The following HLCS variants were observed in gnomAD, a reference collection of about 807,000 sequenced individuals.
The protein encoded by HLCS is biotin--protein ligase.
Under a neutral mutation model 75.0 loss-of-function variants are expected in HLCS, and 53 were observed. That is an observed-to-expected ratio of 0.71 (90% confidence interval 0.57 to 0.89). The LOEUF (loss-of-function observed/expected upper bound fraction) is 0.89, where lower values mean the gene tolerates loss of function less well. Ranked by LOEUF, HLCS falls within the 40% of genes least tolerant of loss-of-function variation. The pLI, the probability that HLCS is intolerant of heterozygous loss-of-function variation, is 0.00. For synonymous variants in HLCS, 431 were observed against 428.6 expected (o/e 1.01, Z -0.07); for missense variants, 966 against 1,074.0 (o/e 0.90, Z 1.41).
chr21:36,811,397 A>G (rs150044027), intron 6 of HLCS, among the ~76,000 whole-genome samples: 1 of 152,324 alleles, frequency 6.6e-6, no homozygotes, highest in East Asian at 1.9e-4. Flanking sequence ...TTCAAAAACT[A>G]TAACCTACTG....
At chr21:36,957,983 T>C (rs1376319301) in intron 2 of HLCS, among the ~76,000 whole-genome samples, 2 of 149,722 alleles carry the variant, frequency 1.3e-5, no homozygotes, top group African/African-American at 4.9e-5. Context: ...ATCCCAGCAC[T>C]TTGGGAGGCC....
rs1362492957 is a variant in HLCS at position 36,983,526 on chromosome 21, A to G, written c.-393+6632T>C. The stretch of plus-strand genomic sequence containing the variant: ...GCGCCCAGCCTGTGAAGGCTTTAAT[A>G]GCAACAATCCTTATAAAAATGATTT... On this transcript the variant is annotated intron_variant, in intron 1 of 11. Coordinates refer to the HLCS transcript ENST00000336648. 2.6e-5 allele frequency among the ~76,000 whole-genome samples: 4 copies of G among 151,986 alleles called. No homozygotes were observed. The East Asian group carries it at 7.8e-4, about 30-fold the overall frequency.
intron 6 of HLCS, among the ~76,000 whole-genome samples, chr21:36,788,821 TTTAA>T (rs1488497899): frequency 1.3e-5 from 2 of 152,210 alleles, no homozygotes; most frequent in African/African-American, 4.8e-5. Flanking sequence ...GCCAGAGCTC[TTTAA>T]TTGCTAGTAG....
In HLCS at chr21:36,754,284, C is replaced by A; in HGVS notation, c.2584G>T (p.Asp862Tyr). The change falls in exon 11 of 11, where the codon GAC (aspartate) becomes TAC (tyrosine). Residue 862 changes from aspartate to tyrosine, a missense_variant. Physicochemically the swap from Asp to Tyr is radical, Grantham distance 160. Coordinates refer to ENST00000674895, the MANE Select transcript of HLCS (RefSeq NM_001352514.2). ...VTVHPDGNSF[D>Y]MLRNLILPKR... is the part of the protein sequence containing the mutation. Reference sequence around the variant, plus strand: ...GGGAGGATGAGGTTTCTCAGCATGTCGAAGGAGTTGCCGTCCGGGTGCACA... The same window carrying A: ...GGGAGGATGAGGTTTCTCAGCATGTAGAAGGAGTTGCCGTCCGGGTGCACA... The A allele has an allele frequency of 6.2e-7, 1 of 1,614,106 alleles. No homozygotes were observed. The highest frequency in any genetic ancestry group is 1.1e-5 in the South Asian group (1 of 91,062).
upstream of HLCS, among the ~76,000 whole-genome samples, chr21:36,968,140 G>A (rs1310337233): frequency 6.6e-6 from 1 of 151,990 alleles, no homozygotes; most frequent in African/African-American, 2.4e-5. Flanking sequence ...TGGCCACCAT[G>A]CCCAGCTAAT....
chr21:36,900,388 G>T (rs1404694857), intron 5 of HLCS, among the ~76,000 whole-genome samples: 1 of 152,192 alleles, frequency 6.6e-6, no homozygotes. Flanking sequence ...CCGGAGCAGG[G>T]AAAGAGCCTG....
intron 2 of HLCS, among the ~76,000 whole-genome samples, chr21:36,958,045 G>A (rs2068063715): frequency 6.6e-6 from 1 of 151,688 alleles, no homozygotes; most frequent in Non-Finnish European, 1.5e-5. Context: ...GGCTAACATG[G>A]TGAAACACCG....
intron 6 of HLCS, among the ~76,000 whole-genome samples, chr21:36,833,655 A>T (rs1374267661): frequency 2.4e-4 from 36 of 149,506 alleles, no homozygotes. Context: ...TTTAATATTC[A>T]GTAAAGGCAG....
intron 8 of HLCS, among the ~76,000 whole-genome samples, chr21:36,762,676 C>T (rs1340023991): frequency 6.6e-6 from 1 of 152,186 alleles, no homozygotes; most frequent in African/African-American, 2.4e-5. Context: ...ATCAAATGTC[C>T]CATCACACAG....
chr21:36,913,968 G>T (rs1408510945), intron 5 of HLCS, among the ~76,000 whole-genome samples: 1 of 152,200 alleles, frequency 6.6e-6, no homozygotes, highest in Non-Finnish European at 1.5e-5. Flanking sequence ...GTGGGCAGAG[G>T]TAAGAGAACC....
At chr21:36,914,770 C>G (rs1316605800) in intron 5 of HLCS, among the ~76,000 whole-genome samples, 1 of 152,216 alleles carries the variant, frequency 6.6e-6, no homozygotes, top group East Asian at 1.9e-4. Flanking sequence ...CCACTGCCTC[C>G]ACAATGAGAG....
chr21:36,925,631 C>A (rs2066368141), intron 5 of HLCS, among the ~76,000 whole-genome samples: 1 of 152,122 alleles, frequency 6.6e-6, no homozygotes, highest in Admixed American at 6.5e-5. Context: ...GCAGGCAACT[C>A]TGCAGGGGTG....
At chr21:36,870,611 T>C (rs2063736383) in intron 6 of HLCS, among the ~76,000 whole-genome samples, 1 of 152,212 alleles carries the variant, frequency 6.6e-6, no homozygotes, top group African/African-American at 2.4e-5. Flanking sequence ...CAGTGAGAAG[T>C]GATTGTTTCG....
chr21:36,762,602 T>A (rs1397844228), intron 8 of HLCS, among the ~76,000 whole-genome samples: 1 of 152,178 alleles, frequency 6.6e-6, no homozygotes, highest in Non-Finnish European at 1.5e-5. Context: ...GGGGCCTATT[T>A]CAATCAAAGT....
intron 6 of HLCS, among the ~76,000 whole-genome samples, chr21:36,867,504 G>C (rs1188699444): frequency 6.6e-6 from 1 of 152,176 alleles, no homozygotes; most frequent in East Asian, 1.9e-4. Context: ...AGCTAGGCAG[G>C]CTAGGACCAG....
At chr21:36,945,222 T>G (rs1040937938) in intron 2 of HLCS, among the ~76,000 whole-genome samples, 3 of 152,018 alleles carry the variant, frequency 2.0e-5, no homozygotes, top group African/African-American at 7.2e-5. Flanking sequence ...TTTTTTTGGT[T>G]TTTTTTTGTC....
chr21:36,956,043 A>ATGTT (rs2067925170), intron 2 of HLCS, among the ~76,000 whole-genome samples: 1 of 152,184 alleles, frequency 6.6e-6, no homozygotes, highest in Non-Finnish European at 1.5e-5. Flanking sequence ...ACACTCTATG[A>ATGTT]TGTTTGCATG....
intron 5 of HLCS, among the ~76,000 whole-genome samples, chr21:36,903,838 A>C (rs8132327): frequency 0.33 from 50,476 of 152,022 alleles, 8,681 homozygotes; most frequent in Middle Eastern, 0.46. Context: ...TCCCCCAATT[A>C]TATGTTGATG....
At position 36,976,799 on chromosome 21, in the gene HLCS, CCT is replaced by C. The variant is rs202083677; in HGVS notation, c.-393+13357_-393+13358del. On this transcript the variant is annotated intron_variant, in intron 1 of 11. Coordinates refer to the HLCS transcript ENST00000336648. ...AATTTCATCAGCACTCCTTTTTTCC[CCT>C]CTTCCGAACCAGCCATGTGATCTTA... Among the ~76,000 whole-genome samples the C allele has an allele frequency of 7.8e-3, 1,184 of 151,950 alleles. 12 individuals are homozygous for C. The highest frequency in any genetic ancestry group is 0.019 in the Admixed American group (285 of 15,256).
Sources: allele counts gnomAD v4.1 joint callset (sites outside exome capture counted in the v4.1 genomes callset), GRCh38; gene constraint gnomAD v4.1.1; transcripts MANE v1.5; gene names NCBI Gene and HGNC (gene_info 2026-07-23, HGNC 2026-07-21).